The following ZBTB7C variants were observed in gnomAD, a reference collection of about 807,000 sequenced individuals.
The protein encoded by ZBTB7C is zinc finger and BTB domain-containing protein 7C.
In ZBTB7C, 8 loss-of-function variants were observed where a neutral mutation model predicts 25.7. That is an observed-to-expected ratio of 0.31 (90% confidence interval 0.18 to 0.56). The LOEUF (loss-of-function observed/expected upper bound fraction) is 0.56. ZBTB7C is among the 20% of genes least tolerant of loss of function. ZBTB7C has a pLI of 0.91. For synonymous variants in ZBTB7C, 394 were observed against 369.0 expected, an observed-to-expected ratio of 1.07 and a Z score of -0.78; for missense variants, 824 against 855.2, an observed-to-expected ratio of 0.96 and a Z score of 0.46.
intron 2 of ZBTB7C, among the ~76,000 whole-genome samples, chr18:48,277,912 G>C (rs907595435): frequency 1.3e-5 from 2 of 152,090 alleles, no homozygotes; most frequent in Non-Finnish European, 2.9e-5. Flanking sequence ...AGGATGCAAG[G>C]GGGAGGAGGG....
At chr18:48,212,686 GC>G (rs1296024373) in intron 2 of ZBTB7C, among the ~76,000 whole-genome samples, 1 of 152,094 alleles carries the variant, frequency 6.6e-6, no homozygotes, top group Non-Finnish European at 1.5e-5. Flanking sequence ...AAATATCTAA[GC>G]CAAGAGAAGA....
rs1429181875 is a variant in ZBTB7C, at chr18:48,270,247, CTCTT to C, written c.-79+67923_-79+67926del. Reference sequence around the variant, plus strand: ...AAAACCTAAACCTAGTTCTTTTTCTCTCTTTCTTTTTTTTTTTTTTTTTTTTTTT... The same window carrying C: ...AAAACCTAAACCTAGTTCTTTTTCTCTCTTTTTTTTTTTTTTTTTTTTTTT... On this transcript the variant is annotated intron_variant, in intron 2 of 4. Transcript: ENST00000590800. 3.9e-4 allele frequency among the ~76,000 whole-genome samples: 57 copies of C among 145,658 alleles called. 1 individual carries two copies. The highest frequency in any genetic ancestry group is 5.7e-4 in the Non-Finnish European group (38 of 66,328).
chr18:48,034,047 A>G (rs1397785359), intron 4 of ZBTB7C, among the ~76,000 whole-genome samples: 5 of 152,104 alleles, frequency 3.3e-5, no homozygotes, highest in Non-Finnish European at 7.4e-5. Context: ...CACATATTCA[A>G]TCTGCCTGTG....
chr18:48,107,719 G>A (rs2039084767), intron 3 of ZBTB7C, among the ~76,000 whole-genome samples: 1 of 152,124 alleles, frequency 6.6e-6, no homozygotes, highest in African/African-American at 2.4e-5. Flanking sequence ...CCTGGACAGC[G>A]TACCCTTCCC....
intron 2 of ZBTB7C, among the ~76,000 whole-genome samples, chr18:48,244,881 T>C (rs1298309354): frequency 6.6e-6 from 1 of 151,958 alleles, no homozygotes; most frequent in Non-Finnish European, 1.5e-5. Flanking sequence ...TGGAAAACAG[T>C]GTGGAGATTC....
intron 1 of ZBTB7C, among the ~76,000 whole-genome samples, chr18:48,372,394 A>G (rs541970959): frequency 6.6e-6 from 1 of 152,326 alleles, no homozygotes; most frequent in Non-Finnish European, 1.5e-5. Flanking sequence ...AGGCAGGGCC[A>G]TGTGACCAGT....
intron 2 of ZBTB7C, among the ~76,000 whole-genome samples, chr18:48,284,299 C>T (rs958731443): frequency 1.2e-4 from 19 of 152,040 alleles, no homozygotes; most frequent in Non-Finnish European, 1.5e-5. Context: ...ATTAGCCTGG[C>T]ACGGTAGGGC....
chr18:48,310,052 A>C (rs1299716197), intron 2 of ZBTB7C, among the ~76,000 whole-genome samples: 1 of 151,954 alleles, frequency 6.6e-6, no homozygotes, highest in Non-Finnish European at 1.5e-5. Flanking sequence ...ACACAGTGAA[A>C]CCCCATCTCT....
intron 2 of ZBTB7C, among the ~76,000 whole-genome samples, chr18:48,284,081 A>C (rs980657064): frequency 3.3e-5 from 5 of 152,104 alleles, no homozygotes; most frequent in African/African-American, 1.2e-4. Flanking sequence ...CGGGAGGCAG[A>C]GGTTGCAATG....
chr18:48,132,581 T>C (rs901681853), intron 3 of ZBTB7C, among the ~76,000 whole-genome samples: 2 of 152,232 alleles, frequency 1.3e-5, no homozygotes, highest in African/African-American at 4.8e-5. Context: ...GAATTATATC[T>C]CAATAAATTT....
intron 3 of ZBTB7C, among the ~76,000 whole-genome samples, chr18:48,152,557 T>G (rs1272763229): frequency 6.6e-6 from 1 of 152,246 alleles, no homozygotes; most frequent in Non-Finnish European, 1.5e-5. Flanking sequence ...TCATTATTCA[T>G]GCCACCTACA....
intron 2 of ZBTB7C, among the ~76,000 whole-genome samples, chr18:48,281,548 T>C (rs1183293921): frequency 3.9e-5 from 6 of 152,132 alleles, no homozygotes; most frequent in South Asian, 2.1e-4. Flanking sequence ...AGAAAATTTT[T>C]GCAACCTACT....
chr18:48,031,748 G>A (rs980377316), intron 4 of ZBTB7C, among the ~76,000 whole-genome samples: 1 of 152,172 alleles, frequency 6.6e-6, no homozygotes, highest in East Asian at 1.9e-4. Context: ...GAGAACCACC[G>A]GTCTAGGCAA....
At chr18:48,400,356 C>T (rs2048128073) in intron 1 of ZBTB7C, among the ~76,000 whole-genome samples, 1 of 152,220 alleles carries the variant, frequency 6.6e-6, no homozygotes, top group East Asian at 1.9e-4. Flanking sequence ...TTAAAGAACA[C>T]CAGAGCTGAA....
intron 2 of ZBTB7C, among the ~76,000 whole-genome samples, chr18:48,327,195 G>A (rs913052908): frequency 3.3e-5 from 5 of 152,110 alleles, no homozygotes; most frequent in Admixed American, 2.0e-4. Flanking sequence ...GGATGGCCTG[G>A]GACCTGAATC....
chr18:48,127,856 G>C (rs1261488228), intron 3 of ZBTB7C, among the ~76,000 whole-genome samples: 1 of 152,166 alleles, frequency 6.6e-6, no homozygotes, highest in Admixed American at 6.5e-5. Context: ...CTGTCCCCTC[G>C]GCAGGGAGCA....
At chr18:48,180,482 GGA>G (rs1485614004) in intron 3 of ZBTB7C, 1 of 378,548 alleles carries the variant, frequency 2.6e-6, no homozygotes, top group African/African-American at 2.1e-5. Context: ...CCATGCCTGG[GGA>G]GAGAGGGAAA....
chr18:48,139,171 G>A (rs1421925681), intron 3 of ZBTB7C, among the ~76,000 whole-genome samples: 2 of 152,162 alleles, frequency 1.3e-5, no homozygotes, highest in African/African-American at 2.4e-5. Flanking sequence ...GGCATGTCAG[G>A]TGCGGGAGTG....
intron 3 of ZBTB7C, among the ~76,000 whole-genome samples, chr18:48,166,879 T>C (rs559707194): frequency 4.5e-4 from 69 of 152,166 alleles, no homozygotes; most frequent in African/African-American, 1.6e-3. Context: ...GGTGGCTCAG[T>C]TGTGTTGTCC....
Sources: gnomAD v4.1 joint callset for allele counts (sites outside exome capture counted in the v4.1 genomes callset) on GRCh38, gnomAD v4.1.1 for gene constraint, MANE v1.5 for transcripts, NCBI Gene and HGNC (gene_info 2026-07-23, HGNC 2026-07-21) for gene names.